The following COL7A1 variants were observed in gnomAD, a reference collection of about 807,000 sequenced individuals.
COL7A1 encodes collagen alpha-1(VII) chain.
Under a neutral mutation model 456.2 loss-of-function variants are expected in COL7A1, and 296 were observed. The ratio of observed to expected loss-of-function variants is 0.65; its 90% CI spans 0.59 to 0.71. The LOEUF (loss-of-function observed/expected upper bound fraction) is 0.71, where lower values mean the gene tolerates loss of function less well. Among genes scored for constraint, COL7A1 ranks in the 30% least tolerant of loss-of-function variants. The pLI is 0.00. For missense variants in COL7A1, 3,441 were observed against 4,017.2 expected (o/e 0.86, Z 3.88); for synonymous variants, 1,464 against 1,525.9 (o/e 0.96, Z 0.95).
At position 48,592,686 on chromosome 3, in the gene COL7A1, G is replaced by T. The variant is rs1205346656; in HGVS notation, c.860C>A (p.Ala287Asp). ...PSERQEVNVP[A>D]GETSVRLRGL... ...CCGCAGCCGCACACTGGTCTCACCA[G>T]CTGGGACGTTCACCTGCCCAGGGCA... Residue 287 changes from alanine to aspartate, a missense_variant, in exon 8 of 119, where the codon GCT becomes GAT. Transcript: ENST00000681320. The surrounding 1 kb of genome is among the most constrained non-coding windows in gnomAD (Gnocchi z 7.6). 3.1e-6 allele frequency: 5 copies of T among 1,613,340 alleles called. No individual in the cohort carries two copies. In the African/African-American group the frequency reaches 5.3e-5, roughly 17 times the overall value.
rs1301776178 is a variant in COL7A1, at chr3:48,568,513, T to C, written c.7780A>G (p.Ile2594Val). Reference sequence around the variant, plus strand: ...GGGCATCTTACCGGGTCACCAGGGATCCCTGCTGCACCAGGTTGACCCTGT... The same window carrying C: ...GGGCATCTTACCGGGTCACCAGGGACCCCTGCTGCACCAGGTTGACCCTGT... ...GPQGQPGAAG[I>V]PGDPGSPGKD... Residue 2594 changes from isoleucine to valine, a missense_variant, in exon 105 of 119, where the codon ATC (isoleucine) becomes GTC (valine). Around this residue, in one of 3 missense-constraint regions of COL7A1, gnomAD observed 2,084 missense variants for 2,501.3 expected, o/e 0.83. Transcript: ENST00000681320. The surrounding 1 kb of genome is among the most constrained non-coding windows in gnomAD (Gnocchi z 5.2). 8 of 1,606,926 alleles carry C rather than the reference T, an allele frequency of 5.0e-6. No homozygotes were observed. The highest frequency in any genetic ancestry group is 1.3e-5 in the African/African-American group (1 of 74,754).
At position 48,574,817 on chromosome 3, in the gene COL7A1, G is replaced by C. The variant is rs2044176456; in HGVS notation, c.6328C>G (p.Pro2110Ala). ...CTGACCTTAGCACCCTTGAGTCCAG[G>C]GGGTCCCTGTTCTCCAGAGAGTCCA... The part of the protein sequence containing the change: ...GPGLSGEQGP[P>A]GLKGAKGEPG... Residue 2110 changes from proline to alanine, a missense_variant, in exon 77 of 119, where the codon CCT becomes GCT. Physicochemically the swap from Pro to Ala is conservative, Grantham distance 27 (BLOSUM62 -1). Coordinates refer to ENST00000681320, the MANE Select transcript of COL7A1 (RefSeq NM_000094.4). The surrounding 1 kb of genome is among the most constrained non-coding windows in gnomAD (Gnocchi z 5.0). The C allele has an allele frequency of 6.2e-7, 1 of 1,613,878 alleles. No individual in the cohort carries two copies. The highest frequency in any genetic ancestry group is 1.3e-5 in the African/African-American group (1 of 74,904).
At position 48,583,175 on chromosome 3, in the gene COL7A1, AAG is replaced by A; in HGVS notation, c.4438-6_4438-5del. ...GCCCTGGAAAGCCCCGGTCACCCTG[AAG>A]AGAGAGGGTGAGAGAAAGACAGAGA... On this transcript the variant is annotated splice_region_variant and splice_polypyrimidine_tract_variant and intron_variant, in intron 42 of 118. Coordinates refer to ENST00000681320, the MANE Select transcript of COL7A1 (RefSeq NM_000094.4). This position sits in a 1 kb window ranked among gnomAD's most constrained non-coding sequence, Gnocchi z 5.1. The A allele has an allele frequency of 6.2e-7, 1 of 1,613,734 alleles. No individual in the cohort carries two copies.
rs755580418 is a variant in COL7A1 at position 48,566,667 on chromosome 3, CCT to C, written c.8295_8296del (p.Glu2767AlafsTer22). The C allele has an allele frequency of 2.5e-6, 4 of 1,614,164 alleles. No homozygotes were observed. In the South Asian group the frequency reaches 3.3e-5, roughly 13 times the overall value. On this transcript the variant is annotated frameshift_variant, in exon 112 of 119. Transcript: ENST00000681320. LOFTEE classifies it high-confidence loss of function. This position sits in a 1 kb window ranked among gnomAD's most constrained non-coding sequence, Gnocchi z 5.9. ...CTTGGAATCCCTACTCACCTGCTCCCCTCTCTCGCCAGGAGCTCCAGGGACCC... is the reference window on the plus strand; with the variant it reads ...CTTGGAATCCCTACTCACCTGCTCCCCTCTCGCCAGGAGCTCCAGGGACCC...
rs1268878054 is a variant in COL7A1 at position 48,570,003 on chromosome 3, CCAGA to C, written c.7486-92_7486-89del. On this transcript the variant is annotated intron_variant, in intron 99 of 118. Coordinates refer to ENST00000681320, the MANE Select transcript of COL7A1 (RefSeq NM_000094.4). This position sits in a 1 kb window ranked among gnomAD's most constrained non-coding sequence, Gnocchi z 5.5. ...AGGGGGAGGAGGGAAACAGTGGGGA[CCAGA>C]CAAAGGGGACAGGGGTAGACGAGGA... 8.7e-6 allele frequency: 14 copies of C among 1,600,284 alleles called. No homozygotes were observed. Among genetic ancestry groups the C allele is most frequent in the Non-Finnish European group, 1.2e-5 (14 of 1,168,994 alleles).
rs754892483 is a variant in COL7A1 at position 48,579,265 on chromosome 3, G to A, written c.5320C>T (p.Pro1774Ser). 1.9e-6 allele frequency: 3 copies of A among 1,614,008 alleles called. No individual in the cohort carries two copies. Among genetic ancestry groups the A allele is most frequent in the Non-Finnish European group, 2.5e-6 (3 of 1,180,032 alleles). ...GPAGEKGDRG[P>S]PGLDGRSGLD... ...CCGCTCCGGCCATCCAGCCCAGGGG[G>A]ACCCCGGTCACCCTGTGGAAAATAG... Residue 1774 changes from proline (P) to serine (S), a missense_variant, in exon 62 of 119, where the codon CCC becomes TCC. This residue lies in a region of COL7A1 where 2,084 missense variants were observed against 2,501.3 expected (regional missense o/e 0.83). Coordinates refer to ENST00000681320, the MANE Select transcript of COL7A1 (RefSeq NM_000094.4). The surrounding 1 kb of genome is among the most constrained non-coding windows in gnomAD (Gnocchi z 4.4).
rs765967106 is a variant in COL7A1, at chr3:48,575,111, G to A, written c.6232C>T (p.Pro2078Ser). Residue 2078 changes from proline to serine, a missense_variant, in exon 76 of 119, where the codon CCT becomes TCT. By Grantham distance (74) the Pro-to-Ser change is moderately conservative. Coordinates refer to ENST00000681320, the MANE Select transcript of COL7A1 (RefSeq NM_000094.4). This position sits in a 1 kb window ranked among gnomAD's most constrained non-coding sequence, Gnocchi z 6.3. Reference protein sequence around the residue: ...ERGEQGRDGPPGLPGTPGPPG... With the variant: ...ERGEQGRDGPSGLPGTPGPPG... ...GGCCCAGGGGTTCCAGGGAGTCCAG[G>A]AGGGCCATCTCTGCCCTGCAGGAAA... The A allele has an allele frequency of 6.2e-7, 1 of 1,613,606 alleles. No individual in the cohort carries two copies. Among genetic ancestry groups the A allele is most frequent in the Non-Finnish European group, 8.5e-7 (1 of 1,179,804 alleles).
At chr3:48,582,777 G>T in intron 44 of COL7A1, 124 bp from the exon 45 acceptor site, 2 of 1,189,540 alleles carry the variant, frequency 1.7e-6, no homozygotes, top group Non-Finnish European at 1.2e-6. Flanking sequence ...GGTTGGCAGG[G>T]GTAAGACTTG....
At position 48,575,672 on chromosome 3, in the gene COL7A1, C is replaced by G. The variant is rs754315799; in HGVS notation, c.5933G>C (p.Arg1978Pro). 16 of 1,613,578 alleles carry G rather than the reference C, an allele frequency of 9.9e-6. No individual in the cohort carries two copies. The highest frequency in any genetic ancestry group is 5.0e-5 in the Admixed American group (3 of 60,026). Residue 1978 changes from arginine (R) to proline (P), a missense_variant, in exon 73 of 119, where the codon CGA becomes CCA. Arg to Pro is a moderately radical substitution (Grantham distance 103). Coordinates refer to ENST00000681320, the MANE Select transcript of COL7A1 (RefSeq NM_000094.4). This position sits in a 1 kb window ranked among gnomAD's most constrained non-coding sequence, Gnocchi z 6.3. ...TTCGCCTGAGTCCCCCTTGGGGCCTCGACGCCGTTCGGGCACAGGCAGGAA... is the reference window on the plus strand; with the variant it reads ...TTCGCCTGAGTCCCCCTTGGGGCCTGGACGCCGTTCGGGCACAGGCAGGAA... ...GSFLPVPERR[R>P]GPKGDSGEQG...
Position 48,586,971 on chromosome 3 carries a change from C to A in COL7A1, c.3276+1G>T. On this transcript the variant is annotated splice_donor_variant, in intron 25 of 118. Transcript: ENST00000681320. LOFTEE classifies it high-confidence loss of function. This position sits in a 1 kb window ranked among gnomAD's most constrained non-coding sequence, Gnocchi z 5.1. ...AGAATCTGGCTGCCCCAGGGCCAAA[C>A]CTGAACTGCCTGTGGCCCAAGAGGC... 2 of 1,590,412 alleles carry A rather than the reference C, an allele frequency of 1.3e-6. No homozygotes were observed. The highest frequency in any genetic ancestry group is 2.3e-5 in the South Asian group (2 of 87,364).
In COL7A1 at chr3:48,572,660, T is replaced by A. The variant is rs926828789; in HGVS notation, c.6900+11A>T. The A allele has an allele frequency of 3.8e-6, 6 of 1,581,460 alleles. No individual in the cohort carries two copies. The highest frequency in any genetic ancestry group is 5.1e-6 in the Non-Finnish European group (6 of 1,165,550). ...TTGCTGCAGGGGGTGGAAGTCAGGG[T>A]CAAAGATCACCTGTCCAGGGGCCCC... On this transcript the variant is annotated intron_variant, in intron 88 of 118. Transcript: ENST00000681320. The surrounding 1 kb of genome is among the most constrained non-coding windows in gnomAD (Gnocchi z 4.6).
rs2107717836 is a variant in COL7A1, at chr3:48,582,359, C to T, written c.4600-1G>A. On this transcript the variant is annotated splice_acceptor_variant, in intron 46 of 118. Coordinates refer to ENST00000681320, the MANE Select transcript of COL7A1 (RefSeq NM_000094.4). LOFTEE classifies it high-confidence loss of function. ...GGTCCCCAGGGCGACCAGGCTCCCC[C>T]TGTGGAGAGAGGATAGGAGCAGGGA... is the stretch of plus-strand genomic sequence containing the variant. 6.2e-7 allele frequency: 1 copy of T among 1,614,052 alleles called. No individual in the cohort carries two copies.
In COL7A1 at chr3:48,579,396, T is replaced by G; in HGVS notation, c.5280A>C (p.Pro1760=). 1 of 1,614,172 alleles carries G rather than the reference T, an allele frequency of 6.2e-7. No homozygotes were observed. The highest frequency in any genetic ancestry group is 8.5e-7 in the Non-Finnish European group (1 of 1,180,024). The change falls in exon 61 of 119, where the codon CCA becomes CCC. Residue 1760 remains proline (P), a synonymous_variant. Coordinates refer to ENST00000681320, the MANE Select transcript of COL7A1 (RefSeq NM_000094.4). This position sits in a 1 kb window ranked among gnomAD's most constrained non-coding sequence, Gnocchi z 4.4. ...FRGPPGPQGD[P]GVRGPAGEKG... Reference sequence around the variant, plus strand: ...TTTCTCCTGCTGGGCCTCGGACACCTGGGTCCCCCTGGAGGGAACAGGGTC... The same window carrying G: ...TTTCTCCTGCTGGGCCTCGGACACCGGGGTCCCCCTGGAGGGAACAGGGTC...
In COL7A1 at chr3:48,594,805, G is replaced by A. The variant is rs919751521; in HGVS notation, c.86-257C>T. ...GGGTGTGGACTTGGGACTGAGGTCA[G>A]CCTCTAGGGGCCGGCGTGGATTGGC... On this transcript the variant is annotated intron_variant, in intron 2 of 118. Transcript: ENST00000681320. This position sits in a 1 kb window ranked among gnomAD's most constrained non-coding sequence, Gnocchi z 5.5. Among the ~76,000 whole-genome samples, 2 of 152,208 alleles carry A rather than the reference G, an allele frequency of 1.3e-5. No homozygotes were observed. The highest frequency in any genetic ancestry group is 4.8e-5 in the African/African-American group (2 of 41,444).
chr3:48,583,201 G>C lies in COL7A1; in HGVS notation c.4438-30C>G. On this transcript the variant is annotated intron_variant, in intron 42 of 118. Coordinates refer to ENST00000681320, the MANE Select transcript of COL7A1 (RefSeq NM_000094.4). This position sits in a 1 kb window ranked among gnomAD's most constrained non-coding sequence, Gnocchi z 5.1. Reference sequence around the variant, plus strand: ...AGAGAGAGGGTGAGAGAAAGACAGAGAGAGAGAGGGTTGGTGGCGGGGCTT... The same window carrying C: ...AGAGAGAGGGTGAGAGAAAGACAGACAGAGAGAGGGTTGGTGGCGGGGCTT... 1 of 1,613,054 alleles carries C rather than the reference G, an allele frequency of 6.2e-7. No individual in the cohort carries two copies.
intron 65 of COL7A1, 64 bp from the exon 66 acceptor site, chr3:48,577,091 T>C: frequency 6.3e-7 from 1 of 1,596,860 alleles, no homozygotes; most frequent in South Asian, 1.1e-5. Context: ...GACACTACCT[T>C]GCTAGATTTC....
Position 48,574,848 on chromosome 3 carries a change from T to C in COL7A1, c.6297A>G (p.Pro2099=). The C allele has an allele frequency of 6.2e-7, 1 of 1,613,904 alleles. No individual in the cohort carries two copies. The highest frequency in any genetic ancestry group is 1.6e-4 in the Middle Eastern group (1 of 6,062). ...PPGPKVSVDE[P]GPGLSGEQGP... is the part of the protein sequence containing the mutation. ...CCTGTTCTCCAGAGAGTCCAGGACC[T>C]GGCTCATCCACAGACACCTACAAAC... Residue 2099 remains proline (P), a synonymous_variant, in exon 77 of 119, where the codon CCA becomes CCG. Transcript: ENST00000681320. The surrounding 1 kb of genome is among the most constrained non-coding windows in gnomAD (Gnocchi z 5.0).
rs776003670 is a variant in COL7A1 at position 48,569,342 on chromosome 3, C to T, written c.7686+33G>A. ...TGTGGAACCACCACAGCCACAGGACCCCACAGAGAGTACACCACCCTCTTC... is the reference window on the plus strand; with the variant it reads ...TGTGGAACCACCACAGCCACAGGACTCCACAGAGAGTACACCACCCTCTTC... On this transcript the variant is annotated intron_variant, in intron 103 of 118. Transcript: ENST00000681320. This position sits in a 1 kb window ranked among gnomAD's most constrained non-coding sequence, Gnocchi z 4.9. The T allele has an allele frequency of 6.2e-7, 1 of 1,611,264 alleles. No homozygotes were observed. The highest frequency in any genetic ancestry group is 1.3e-5 in the African/African-American group (1 of 74,932).
rs2045716888 is a variant in COL7A1, at chr3:48,591,746, A to T, written c.1434T>A (p.Thr478=). 6.2e-7 allele frequency: 1 copy of T among 1,614,136 alleles called. No homozygotes were observed. The highest frequency in any genetic ancestry group is 1.3e-5 in the African/African-American group (1 of 75,034). The change falls in exon 12 of 119, where the codon ACT becomes ACA. Residue 478 remains threonine, a synonymous_variant. Transcript: ENST00000681320. This position sits in a 1 kb window ranked among gnomAD's most constrained non-coding sequence, Gnocchi z 7.0. ...RYQLDGLQPG[T]EYRLTLYTLL... The stretch of plus-strand genomic sequence containing the variant: ...GAGTGTAGAGTGTGAGGCGGTACTC[A>T]GTGCCCGGCTGCAGCCCATCCAACT...
Sources: gnomAD v4.1 joint callset for allele counts (sites outside exome capture counted in the v4.1 genomes callset) on GRCh38, gnomAD v4.1.1 for gene constraint, gnomAD v4.1.1 regional missense constraint, Gnocchi (gnomAD v3.1) non-coding constraint, MANE v1.5 for transcripts, NCBI Gene and HGNC (gene_info 2026-07-23, HGNC 2026-07-21) for gene names.